B4GAT1: variants seen among roughly 807,000 people sequenced by gnomAD.
B4GAT1 encodes beta-1,4-glucuronyltransferase 1, also known as N-acetyllactosaminide beta-1,3-N-acetylglucosaminyltransferase.
B4GAT1 carries 18 observed loss-of-function variants against 35.0 expected under a neutral mutation model. The ratio of observed to expected loss-of-function variants is 0.51; its 90% CI spans 0.36 to 0.76. The LOEUF (loss-of-function observed/expected upper bound fraction) is 0.76. B4GAT1 is among the 30% of genes least tolerant of loss of function. B4GAT1 has a pLI of 0.01. For synonymous variants in B4GAT1, 217 were observed against 251.6 expected (o/e 0.86, Z 1.30); for missense variants, 458 against 555.0 (o/e 0.83, Z 1.76).
rs886038575 is a variant in B4GAT1 at position 66,347,188 on chromosome 11, G to T, written c.358C>A (p.Leu120Met). 6 of 1,585,664 alleles carry T rather than the reference G, an allele frequency of 3.8e-6. No individual in the cohort carries two copies. Among genetic ancestry groups the T allele is most frequent in the African/African-American group, 1.3e-5 (1 of 74,326 alleles). The change falls in exon 1 of 2, where the codon CTG becomes ATG. Residue 120 changes from leucine (L) to methionine (M), a missense_variant. Leu to Met is a conservative substitution (Grantham distance 15). Transcript: ENST00000311181. The surrounding 1 kb of genome is among the most constrained non-coding windows in gnomAD (Gnocchi z 6.3). ...GTGGCCGCGAACACCGACACGGACA[G>T]CGGGCCCTCCCAGCGCTCCAGCAGA... Reference protein sequence around the residue: ...SGLLERWEGPLSVSVFAATKE... With the variant: ...SGLLERWEGPMSVSVFAATKE...
Position 66,347,395 on chromosome 11 carries a change from G to C in B4GAT1, c.151C>G (p.Pro51Ala), listed in dbSNP as rs1272704626. The change falls in exon 1 of 2, where the codon CCG (proline) becomes GCG (alanine). Residue 51 changes from proline to alanine, a missense_variant. By Grantham distance (27) the Pro-to-Ala change is conservative (BLOSUM62 -1). Coordinates refer to ENST00000311181, the MANE Select transcript of B4GAT1 (RefSeq NM_006876.3). The surrounding 1 kb of genome is among the most constrained non-coding windows in gnomAD (Gnocchi z 6.3). ...ACCTGGTCCACGGACCGTGGGGACG[G>C]GGGAAAGAACTCAAAATATTGGTCT... ...EQDQYFEFFPPSPRSVDQVKA... is the reference protein window; with the variant it reads ...EQDQYFEFFPASPRSVDQVKA... The C allele has an allele frequency of 1.3e-6, 2 of 1,586,178 alleles. No individual in the cohort carries two copies. Among genetic ancestry groups the C allele is most frequent in the Non-Finnish European group, 1.7e-6 (2 of 1,166,600 alleles).
rs11537930 is a variant in B4GAT1 at position 66,347,429 on chromosome 11, C to T, written c.117G>A (p.Gln39=). 0.091 allele frequency: 143,120 copies of T among 1,573,756 alleles called. 7,658 individuals carry two copies. Among genetic ancestry groups the T allele is most frequent in the African/African-American group, 0.23 (17,041 of 74,068 alleles). The change falls in exon 1 of 2, where the codon CAG becomes CAA. Residue 39 remains glutamine (Q), a synonymous_variant. Transcript: ENST00000311181. The surrounding 1 kb of genome is among the most constrained non-coding windows in gnomAD (Gnocchi z 6.3). Reference sequence around the variant, plus strand: ...ACTCAAAATATTGGTCTTGCTCCTCCTGCCCGTGCAGTCCGGACAGCAGCG... The same window carrying T: ...ACTCAAAATATTGGTCTTGCTCCTCTTGCCCGTGCAGTCCGGACAGCAGCG... The part of the protein sequence containing the change: ...YLSLLSGLHG[Q]EEQDQYFEFF...
rs1465193578 is a variant in B4GAT1, at chr11:66,347,323, C to T, written c.223G>A (p.Ala75Thr). ...CTGTAGACGCGGTAATCGCCGCTAG[C>T]GTCCAGGACGCCTCCAGAGGCCAGC... ...TALASGGVLD[A>T]SGDYRVYRGL... The change falls in exon 1 of 2, where the codon GCT becomes ACT. Residue 75 changes from alanine (A) to threonine (T), a missense_variant. Transcript: ENST00000311181. The surrounding 1 kb of genome is among the most constrained non-coding windows in gnomAD (Gnocchi z 6.3). 6 of 1,572,116 alleles carry T rather than the reference C, an allele frequency of 3.8e-6. No individual in the cohort carries two copies. Among genetic ancestry groups the T allele is most frequent in the Non-Finnish European group, 5.2e-6 (6 of 1,159,592 alleles).
In B4GAT1 at chr11:66,345,711, GATA is replaced by G. The variant is rs1490416597; in HGVS notation, c.*335_*337del. ...ATAATAATAACAACAATAATACTGC[GATA>G]ATATTAATACTTCACATTTGTACGA... On this transcript the variant is annotated 3_prime_UTR_variant, in exon 2 of 2. Transcript: ENST00000311181. 4.2e-6 allele frequency: 1 copy of G among 240,296 alleles called. No homozygotes were observed. Among genetic ancestry groups the G allele is most frequent in the Non-Finnish European group, 8.0e-6 (1 of 124,292 alleles). 14.9% of individuals were successfully genotyped at this position (240,296 alleles called of 1,614,324 possible).
Position 66,347,249 on chromosome 11 carries a change from C to G in B4GAT1, c.297G>C (p.Thr99=), listed in dbSNP as rs772838995. The change falls in exon 1 of 2, where the codon ACG becomes ACC. Residue 99 remains threonine (T), a synonymous_variant. Coordinates refer to ENST00000311181, the MANE Select transcript of B4GAT1 (RefSeq NM_006876.3). This position sits in a 1 kb window ranked among gnomAD's most constrained non-coding sequence, Gnocchi z 6.3. The part of the protein sequence containing the change: ...TMDPNDVILA[T]HASVDNLLHL... ...GCAGCAGGTTGTCCACGCTGGCGTG[C>G]GTGGCCAGGATCACATCGTTGGGGT... 3 of 1,570,302 alleles carry G rather than the reference C, an allele frequency of 1.9e-6. No individual in the cohort carries two copies. In the East Asian group the frequency reaches 7.1e-5, roughly 37 times the overall value.
rs200527107 is a variant in B4GAT1 at position 66,346,786 on chromosome 11, C to T, written c.760G>A (p.Ala254Thr). Residue 254 changes from alanine to threonine, a missense_variant, in exon 1 of 2, where the codon GCG (alanine) becomes ACG (threonine). Transcript: ENST00000311181. This position sits in a 1 kb window ranked among gnomAD's most constrained non-coding sequence, Gnocchi z 6.1. ...LDQSNQWGGT[A>T]LVVPAFEIRR... ...ATTTCGAAGGCAGGCACCACCAGCG[C>T]GGTGCCTCCCCACTGGTTGCTCTGA... 1.2e-6 allele frequency: 2 copies of T among 1,613,658 alleles called. No homozygotes were observed. The highest frequency in any genetic ancestry group is 1.7e-6 in the Non-Finnish European group (2 of 1,179,994).
chr11:66,347,470 G>T lies in B4GAT1; in HGVS notation c.76C>A (p.Gln26Lys), dbSNP rs762690431. The stretch of plus-strand genomic sequence containing the variant: ...GACAGCAGCGACAGGTAGAGCAGCT[G>T]CAGCATCGCCACCAGCATGAGCGCG... ...LAALMLVAML[Q>K]LLYLSLLSGL... Residue 26 changes from glutamine to lysine, a missense_variant, in exon 1 of 2, where the codon CAG (glutamine) becomes AAG (lysine). By Grantham distance (53) the Gln-to-Lys change is moderately conservative. Coordinates refer to ENST00000311181, the MANE Select transcript of B4GAT1 (RefSeq NM_006876.3). This position sits in a 1 kb window ranked among gnomAD's most constrained non-coding sequence, Gnocchi z 6.3. 2.0e-6 allele frequency: 3 copies of T among 1,529,306 alleles called. No homozygotes were observed. In the African/African-American group the frequency reaches 4.2e-5, roughly 21 times the overall value. 94.7% of individuals were successfully genotyped at this position (1,529,306 alleles called of 1,614,324 possible). A position where few individuals can be genotyped will look rare whatever the true frequency, so the allele number is the denominator to read the frequency against.
chr11:66,347,334 C>T lies in B4GAT1; in HGVS notation c.212G>A (p.Gly71Asp), dbSNP rs759188917. 7.0e-5 allele frequency: 110 copies of T among 1,574,984 alleles called. 1 individual carries two copies. The East Asian group carries it at 2.4e-3, about 35-fold the overall frequency. Reference protein sequence around the residue: ...AQLRTALASGGVLDASGDYRV... With the variant: ...AQLRTALASGDVLDASGDYRV... The stretch of plus-strand genomic sequence containing the variant: ...GTAATCGCCGCTAGCGTCCAGGACG[C>T]CTCCAGAGGCCAGCGCGGTGCGGAG... Residue 71 changes from glycine to aspartate, a missense_variant, in exon 1 of 2, where the codon GGC (glycine) becomes GAC (aspartate). Physicochemically the swap from Gly to Asp is moderately conservative, Grantham distance 94. Coordinates refer to ENST00000311181, the MANE Select transcript of B4GAT1 (RefSeq NM_006876.3). The surrounding 1 kb of genome is among the most constrained non-coding windows in gnomAD (Gnocchi z 6.3).
Position 66,346,879 on chromosome 11 carries a change from C to T in B4GAT1, c.667G>A (p.Ala223Thr), listed in dbSNP as rs1855225079. The T allele has an allele frequency of 2.5e-6, 4 of 1,613,870 alleles. No individual in the cohort carries two copies. Among genetic ancestry groups the T allele is most frequent in the Non-Finnish European group, 3.4e-6 (4 of 1,180,018 alleles). ...ACCATGTCCACATCGATCACCAGGG[C>T]ATAGTTGGCCCCCTCACGAGCCAGA... ...RNLAREGANY[A>T]LVIDVDMVPS... Residue 223 changes from alanine (A) to threonine (T), a missense_variant, in exon 1 of 2, where the codon GCC (alanine) becomes ACC (threonine). Ala to Thr is a moderately conservative substitution (Grantham distance 58). Coordinates refer to ENST00000311181, the MANE Select transcript of B4GAT1 (RefSeq NM_006876.3). The surrounding 1 kb of genome is among the most constrained non-coding windows in gnomAD (Gnocchi z 6.1).
rs573756401 is a variant in B4GAT1 at position 66,346,002 on chromosome 11, C to T, written c.*47G>A. 142 of 1,575,590 alleles carry T rather than the reference C, an allele frequency of 9.0e-5. No individual in the cohort carries two copies. The South Asian group carries it at 1.5e-3, about 17-fold the overall frequency. Reference sequence around the variant, plus strand: ...TACCCCAGTCAGGCCTAAATGGTGGCCTGAGGAGCCAAGAGGCTGACTTCT... The same window carrying T: ...TACCCCAGTCAGGCCTAAATGGTGGTCTGAGGAGCCAAGAGGCTGACTTCT... On this transcript the variant is annotated 3_prime_UTR_variant, in exon 2 of 2. Transcript: ENST00000311181. This position sits in a 1 kb window ranked among gnomAD's most constrained non-coding sequence, Gnocchi z 6.1.
At position 66,347,296 on chromosome 11, in the gene B4GAT1, C is replaced by A; in HGVS notation, c.250G>T (p.Gly84Cys). Residue 84 changes from glycine (G) to cysteine (C), a missense_variant, in exon 1 of 2, where the codon GGC becomes TGC. By Grantham distance (159) the Gly-to-Cys change is radical. Coordinates refer to ENST00000311181, the MANE Select transcript of B4GAT1 (RefSeq NM_006876.3). This position sits in a 1 kb window ranked among gnomAD's most constrained non-coding sequence, Gnocchi z 6.3. ...GGGTCCATGGTGGTCTTCAGCAGGC[C>A]CCTGTAGACGCGGTAATCGCCGCTA... Reference protein sequence around the residue: ...DASGDYRVYRGLLKTTMDPND... With the variant: ...DASGDYRVYRCLLKTTMDPND... 1 of 1,567,256 alleles carries A rather than the reference C, an allele frequency of 6.4e-7. No individual in the cohort carries two copies. Among genetic ancestry groups the A allele is most frequent in the Non-Finnish European group, 8.6e-7 (1 of 1,156,560 alleles).
chr11:66,347,587 A>T lies in B4GAT1; in HGVS notation c.-42T>A. The stretch of plus-strand genomic sequence containing the variant: ...GGCGCGCAGCAACGACCACCCGGCC[A>T]CAGACTACGCCAGCGGCCGCAAGCC... On this transcript the variant is annotated 5_prime_UTR_variant, in exon 1 of 2. Coordinates refer to ENST00000311181, the MANE Select transcript of B4GAT1 (RefSeq NM_006876.3). This position sits in a 1 kb window ranked among gnomAD's most constrained non-coding sequence, Gnocchi z 6.3. The T allele has an allele frequency of 8.0e-7, 1 of 1,253,528 alleles. No individual in the cohort carries two copies. The highest frequency in any genetic ancestry group is 3.1e-5 in the East Asian group (1 of 32,498). The allele number at this position is 1,253,528 out of a possible 1,614,324, so 77.7% of individuals were successfully genotyped here.
In B4GAT1 at chr11:66,346,978, C is replaced by T. The variant is rs866363809; in HGVS notation, c.568G>A (p.Ala190Thr). ...RSCQEVFDKL[A>T]RVAQPGINYA... The stretch of plus-strand genomic sequence containing the variant: ...TTAATCCCGGGCTGGGCCACCCTGG[C>T]TAGCTTGTCAAAGACCTCCTGGCAG... Residue 190 changes from alanine to threonine, a missense_variant, in exon 1 of 2, where the codon GCC becomes ACC. Coordinates refer to ENST00000311181, the MANE Select transcript of B4GAT1 (RefSeq NM_006876.3). This position sits in a 1 kb window ranked among gnomAD's most constrained non-coding sequence, Gnocchi z 6.1. 1 of 1,609,656 alleles carries T rather than the reference C, an allele frequency of 6.2e-7. No individual in the cohort carries two copies. The highest frequency in any genetic ancestry group is 1.7e-4 in the Middle Eastern group (1 of 6,058).
In B4GAT1 at chr11:66,346,973, C is replaced by A; in HGVS notation, c.573G>T (p.Arg191Ser). 1 of 1,610,428 alleles carries A rather than the reference C, an allele frequency of 6.2e-7. No individual in the cohort carries two copies. The highest frequency in any genetic ancestry group is 8.5e-7 in the Non-Finnish European group (1 of 1,179,490). The change falls in exon 1 of 2, where the codon AGG becomes AGT. Residue 191 changes from arginine (R) to serine (S), a missense_variant. Transcript: ENST00000311181. This position sits in a 1 kb window ranked among gnomAD's most constrained non-coding sequence, Gnocchi z 6.1. The stretch of plus-strand genomic sequence containing the variant: ...CATAATTAATCCCGGGCTGGGCCAC[C>A]CTGGCTAGCTTGTCAAAGACCTCCT... ...SCQEVFDKLA[R>S]VAQPGINYAL...
chr11:66,346,425 C>A lies in B4GAT1; in HGVS notation c.1056+65G>T. ...GCCTCCTTTCCATCCAGGGCCACTC[C>A]TCATAACTCCCTGATCCCACCACCC... On this transcript the variant is annotated intron_variant, in intron 1 of 1. Transcript: ENST00000311181. This position sits in a 1 kb window ranked among gnomAD's most constrained non-coding sequence, Gnocchi z 6.1. 6.4e-7 allele frequency: 1 copy of A among 1,551,100 alleles called. No individual in the cohort carries two copies. Among genetic ancestry groups the A allele is most frequent in the Non-Finnish European group, 8.7e-7 (1 of 1,147,132 alleles).
Position 66,346,321 on chromosome 11 carries a change from G to A in B4GAT1, c.1057-81C>T, listed in dbSNP as rs1565209116. On this transcript the variant is annotated intron_variant, in intron 1 of 1. Transcript: ENST00000311181. This position sits in a 1 kb window ranked among gnomAD's most constrained non-coding sequence, Gnocchi z 6.1. ...GACTTCCCTAAAGCCACAGTCCAGC[G>A]TCCTCACCCCTCTGGAAGTATCCTG... 3.2e-6 allele frequency: 5 copies of A among 1,565,786 alleles called. No homozygotes were observed. The East Asian group carries it at 6.8e-5, about 21-fold the overall frequency.
chr11:66,347,554 G>C lies in B4GAT1; in HGVS notation c.-9C>G. On this transcript the variant is annotated 5_prime_UTR_variant, in exon 1 of 2. Transcript: ENST00000311181. This position sits in a 1 kb window ranked among gnomAD's most constrained non-coding sequence, Gnocchi z 6.3. Reference sequence around the variant, plus strand: ...GCGTAGGACATCTGCATGGCTCTCGGGGCTCGGGGCGCGCAGCAACGACCA... The same window carrying C: ...GCGTAGGACATCTGCATGGCTCTCGCGGCTCGGGGCGCGCAGCAACGACCA... 1.5e-6 allele frequency: 2 copies of C among 1,312,146 alleles called. No individual in the cohort carries two copies. Among genetic ancestry groups the C allele is most frequent in the Non-Finnish European group, 9.7e-7 (1 of 1,027,086 alleles). The allele number at this position is 1,312,146 out of a possible 1,614,324, so 81.3% of individuals were successfully genotyped here. A position where few individuals can be genotyped will look rare whatever the true frequency, so the allele number is the denominator to read the frequency against.
rs1855213184 is a variant in B4GAT1, at chr11:66,346,378, C to A, written c.1056+112G>T. The A allele has an allele frequency of 1.9e-6, 3 of 1,539,348 alleles. No homozygotes were observed. The highest frequency in any genetic ancestry group is 2.6e-6 in the Non-Finnish European group (3 of 1,143,860). On this transcript the variant is annotated intron_variant, in intron 1 of 1. Coordinates refer to ENST00000311181, the MANE Select transcript of B4GAT1 (RefSeq NM_006876.3). The surrounding 1 kb of genome is among the most constrained non-coding windows in gnomAD (Gnocchi z 6.1). Reference sequence around the variant, plus strand: ...CCACACCATCCACCCACCTCCTGAACTATGATCCCTCCTGCTTCATTGCCT... The same window carrying A: ...CCACACCATCCACCCACCTCCTGAAATATGATCCCTCCTGCTTCATTGCCT...
In B4GAT1 at chr11:66,346,963, G is replaced by C. The variant is rs1213307833; in HGVS notation, c.583C>G (p.Pro195Ala). The change falls in exon 1 of 2, where the codon CCC becomes GCC. Residue 195 changes from proline (P) to alanine (A), a missense_variant. Transcript: ENST00000311181. This position sits in a 1 kb window ranked among gnomAD's most constrained non-coding sequence, Gnocchi z 6.1. ...GTGCCCAGCGCATAATTAATCCCGG[G>C]CTGGGCCACCCTGGCTAGCTTGTCA... ...VFDKLARVAQ[P>A]GINYALGTNV... The C allele has an allele frequency of 1.9e-6, 3 of 1,611,806 alleles. No homozygotes were observed. Among genetic ancestry groups the C allele is most frequent in the Non-Finnish European group, 2.5e-6 (3 of 1,179,878 alleles).
Sources: gnomAD v4.1 joint callset for allele counts on GRCh38, gnomAD v4.1.1 for gene constraint, Gnocchi (gnomAD v3.1) non-coding constraint, MANE v1.5 for transcripts, NCBI Gene and HGNC (gene_info 2026-07-23, HGNC 2026-07-21) for gene names.